Variants in MYL6B observed in about 807,000 individuals in gnomAD.
MYL6B encodes myosin alkali light chain 1 slow a.
A neutral mutation model predicts 24.5 loss-of-function variants in MYL6B; 19 were observed. That is an observed-to-expected ratio of 0.78 (90% CI 0.54 to 1.14). The LOEUF is 1.14. Ranked by LOEUF, MYL6B falls within the 50% of genes most tolerant of loss-of-function variation. The probability of loss-of-function intolerance (pLI) is 0.00; values close to 1 mark genes in which losing one functional copy is unlikely to be tolerated. For synonymous variants in MYL6B, 90 were observed against 100.7 expected (o/e 0.89, Z 0.64); for missense variants, 230 against 263.8 (o/e 0.87, Z 0.89).
In MYL6B at chr12:56,154,014, CA is replaced by C; in HGVS notation, c.98del (p.Lys33ArgfsTer26). The C allele has an allele frequency of 6.2e-7, 1 of 1,614,114 alleles. No homozygotes were observed. Among genetic ancestry groups the C allele is most frequent in the Non-Finnish European group, 8.5e-7 (1 of 1,179,994 alleles). On this transcript the variant is annotated frameshift_variant, in exon 2 of 7. Coordinates refer to ENST00000553066, the Ensembl canonical transcript of MYL6B. LOFTEE classifies it high-confidence loss of function. ...CAGCAGCAGCAGGGGCTCCTCCAGCCAAGACCAAAGCTGAGCCAGCTGTCCC... is the reference window on the plus strand; with the variant it reads ...CAGCAGCAGCAGGGGCTCCTCCAGCCAGACCAAAGCTGAGCCAGCTGTCCC...
chr12:56,155,226 G>A (rs1371827121), intron 4 of MYL6B, 28 bp downstream of exon 4: 10 of 1,569,538 alleles, frequency 6.4e-6, no homozygotes, highest in Admixed American at 1.9e-5. Context: ...AACAATTTGG[G>A]TTTTTAGTTT....
exon 6 of MYL6B, chr12:56,157,474 AGAT>A: frequency 1.2e-6 from 2 of 1,614,080 alleles, no homozygotes; most frequent in Non-Finnish European, 1.7e-6. Flanking sequence ...TCAGGAGAGA[AGAT>A]GACTGAGGAG....
chr12:56,157,282 G>T, intron 5 of MYL6B, 186 bp from the exon 6 acceptor site: 1 of 577,358 alleles, frequency 1.7e-6, no homozygotes, highest in South Asian at 2.1e-5. Context: ...TACTCGGGAG[G>T]GTGAGGCAGG....
intron 4 of MYL6B, 72 bp downstream of exon 4, chr12:56,155,270 G>A: frequency 1.3e-6 from 2 of 1,561,022 alleles, no homozygotes; most frequent in Non-Finnish European, 1.7e-6. Flanking sequence ...AAAAGAATGA[G>A]GTGGATCTCA....
At chr12:56,154,064 A>G (rs1456613118) in exon 2 of MYL6B, 1 of 1,613,820 alleles carries the variant, frequency 6.2e-7, no homozygotes, top group Non-Finnish European at 8.5e-7. Context: ...AAAACCCAGG[A>G]GCCTCCAGTC....
chr12:56,155,118 G>T, exon 4 of MYL6B: 2 of 1,614,162 alleles, frequency 1.2e-6, no homozygotes, highest in Non-Finnish European at 1.7e-6. Context: ...TACAGCCAGT[G>T]TGGGGACGTG....
At chr12:56,155,518 G>C in exon 5 of MYL6B, 1 of 1,614,038 alleles carries the variant, frequency 6.2e-7, no homozygotes, top group Non-Finnish European at 8.5e-7. Context: ...TACTTGGAGG[G>C]GTTTCGTGTG....
rs1318213261 is a variant in MYL6B, at chr12:56,155,051, T to A, written c.203-4T>A. ...GTCTACACTGACCCTTCCTTATACT[T>A]TAGAGTTCAAGGAGGCCTTCGAGCT... On this transcript the variant is annotated splice_region_variant and splice_polypyrimidine_tract_variant and intron_variant, in intron 3 of 6. Transcript: ENST00000553066. 1.9e-6 allele frequency: 3 copies of A among 1,608,432 alleles called. No homozygotes were observed. Among genetic ancestry groups the A allele is most frequent in the Middle Eastern group, 3.3e-4 (2 of 6,056 alleles).
At chr12:56,155,374 T>G in intron 4 of MYL6B, 45 bp from the exon 5 acceptor site, 2 of 1,613,582 alleles carry the variant, frequency 1.2e-6, no homozygotes, top group East Asian at 2.2e-5. Flanking sequence ...CTGGGTCCTA[T>G]GTAATACTAC....
At chr12:56,157,826 G>A (rs1871400124) in exon 7 of MYL6B, 27 of 1,447,008 alleles carry the variant, frequency 1.9e-5, no homozygotes, top group Non-Finnish European at 2.6e-5. Flanking sequence ...AGTTCATTCT[G>A]CTGTCCGGTT....
chr12:56,152,691 TGTGTGTGTGTGTGTGTGTGTC>T (rs1048032355), intron 1 of MYL6B, 60 bp downstream of exon 1: 5 of 150,486 alleles, frequency 3.3e-5, no homozygotes, highest in Admixed American at 6.6e-5. Context: ...GGTGCGTGAG[TGTGTGTGTGTGTGTGTGTGTC>T]GTGTGTGTGT....
exon 7 of MYL6B, chr12:56,157,976 C>T (rs573004192): frequency 1.0e-5 from 6 of 587,832 alleles, no homozygotes; most frequent in Non-Finnish European, 1.8e-5. Context: ...CTGGGTTCCT[C>T]TCTTGGTTTC....
exon 7 of MYL6B, chr12:56,157,853 C>T (rs908751173): frequency 2.5e-6 from 3 of 1,191,570 alleles, no homozygotes; most frequent in Non-Finnish European, 3.5e-6. Context: ...CGGGCTCCAG[C>T]GCTTCGCAAC....
At chr12:56,155,378 A>C (rs1215341920) in intron 4 of MYL6B, 41 bp from the exon 5 acceptor site, 1 of 1,613,776 alleles carries the variant, frequency 6.2e-7, no homozygotes, top group South Asian at 1.1e-5. Context: ...GTCCTATGTA[A>C]TACTACAATG....
rs761530243 is a variant in MYL6B at position 56,157,721 on chromosome 12, G to A, written c.622G>A (p.Val208Ile). 7 of 1,612,110 alleles carry A rather than the reference G, an allele frequency of 4.3e-6. No individual in the cohort carries two copies. The highest frequency in any genetic ancestry group is 5.1e-6 in the Non-Finnish European group (6 of 1,180,000). ...AGCCTTCTTGAAACACATCCTAAGC[G>A]TCTGAGTGCTGCAGGTAGGGCCCTC... Residue 208 changes from valine to isoleucine, a missense_variant, in exon 7 of 7, where the codon GTC (valine) becomes ATC (isoleucine). Physicochemically the swap from Val to Ile is conservative, Grantham distance 29. Transcript: ENST00000553066.
rs780541996 is a variant in MYL6B, at chr12:56,157,474, A to C, written c.527A>C (p.Lys176Thr). The change falls in exon 6 of 7, where the codon AAG (lysine) becomes ACG (threonine). Residue 176 changes from lysine to threonine, a missense_variant. Coordinates refer to ENST00000553066, the Ensembl canonical transcript of MYL6B. ...CGTTGTGTCTGGGATTCAGGAGAGA[A>C]GATGACTGAGGAGGAGGTGGAGACC... The C allele has an allele frequency of 3.8e-5, 62 of 1,613,964 alleles. No homozygotes were observed. Among genetic ancestry groups the C allele is most frequent in the Non-Finnish European group, 5.2e-5 (61 of 1,179,996 alleles).
intron 5 of MYL6B, chr12:56,155,912 C>G (rs886153118): frequency 9.6e-5 from 119 of 1,236,308 alleles, no homozygotes; most frequent in Non-Finnish European, 1.2e-4. Context: ...TCAATACTTT[C>G]AGCAGTACTA....
intron 5 of MYL6B, 73 bp from the exon 6 acceptor site, chr12:56,157,395 A>C (rs879771710): frequency 6.8e-7 from 1 of 1,466,172 alleles, no homozygotes; most frequent in Non-Finnish European, 9.4e-7. Context: ...GTCTCAAAAA[A>C]AAAAAGGAAA....
exon 4 of MYL6B, chr12:56,155,173 G>A (rs965734289): frequency 3.1e-6 from 5 of 1,611,240 alleles, no homozygotes; most frequent in Non-Finnish European, 4.2e-6. Flanking sequence ...AGGTGCTCAA[G>A]GTCCTGGGGA....
Sources: allele counts gnomAD v4.1 joint callset, GRCh38; gene constraint gnomAD v4.1.1; transcripts MANE v1.5; gene names NCBI Gene and HGNC (gene_info 2026-07-23, HGNC 2026-07-21).